The following GLO1 variants were observed in gnomAD, a reference collection of about 807,000 sequenced individuals.
GLO1 encodes glyoxalase I, also known as lactoylglutathione lyase.
In GLO1, 28 loss-of-function variants were observed where a neutral mutation model predicts 26.0. The ratio of observed to expected loss-of-function variants is 1.08; its 90% CI spans 0.80 to 1.48. The LOEUF is 1.48. Among genes scored for constraint, GLO1 ranks in the 40% most tolerant of loss-of-function variants. The pLI, the probability that GLO1 is intolerant of heterozygous loss-of-function variation, is 0.00. For missense variants in GLO1, 225 were observed against 224.8 expected, an observed-to-expected ratio of 1.00 and a Z score of -0.01; for synonymous variants, 78 against 77.6, an observed-to-expected ratio of 1.00 and a Z score of -0.03.
At chr6:38,688,014 A>T (rs1761479966) in intron 1 of GLO1, among the ~76,000 whole-genome samples, 1 of 151,922 alleles carries the variant, frequency 6.6e-6, no homozygotes, top group African/African-American at 2.4e-5. Context: ...ATAAAATACA[A>T]ATATAGTTCA....
intron 1 of GLO1, among the ~76,000 whole-genome samples, chr6:38,696,424 C>G (rs1441730566): frequency 6.6e-6 from 1 of 152,154 alleles, no homozygotes; most frequent in African/African-American, 2.4e-5. Flanking sequence ...GGCTTATAAA[C>G]AACAGACATT....
intron 1 of GLO1, among the ~76,000 whole-genome samples, chr6:38,698,492 T>A (rs1041302313): frequency 2.0e-5 from 3 of 147,838 alleles, no homozygotes; most frequent in Admixed American, 1.4e-4. Context: ...TTTATATTTT[T>A]ATATATTCAT....
chr6:38,690,032 C>T (rs1761509550), intron 1 of GLO1, among the ~76,000 whole-genome samples: 1 of 151,994 alleles, frequency 6.6e-6, no homozygotes, highest in Admixed American at 6.6e-5. Context: ...ACCATGTTGG[C>T]CAGGATGGTC....
In GLO1 at chr6:38,677,057, A is replaced by T. The variant is rs775925376; in HGVS notation, c.*238T>A. ...TCTGAAGGGAACTGTTCTAATTATT[A>T]CCTAAAAAATAAAGTTACACAACTA... On this transcript the variant is annotated 3_prime_UTR_variant, in exon 6 of 6. Transcript: ENST00000373365. 2 of 489,624 alleles carry T rather than the reference A, an allele frequency of 4.1e-6. No individual in the cohort carries two copies. Among genetic ancestry groups the T allele is most frequent in the Non-Finnish European group, 7.1e-6 (2 of 280,678 alleles). 30.3% of individuals were successfully genotyped at this position (489,624 alleles called of 1,614,324 possible).
intron 1 of GLO1, among the ~76,000 whole-genome samples, chr6:38,698,439 C>CATATATTTATAG (rs1336908149): frequency 1.4e-5 from 2 of 147,016 alleles, no homozygotes; most frequent in South Asian, 4.3e-4. Flanking sequence ...TATATATATT[C>CATATATTTATAG]ATATATTTAT....
Position 38,677,206 on chromosome 6 carries a change from C to A in GLO1, c.*89G>T. 1.3e-6 allele frequency: 1 copy of A among 754,814 alleles called. No homozygotes were observed. Among genetic ancestry groups the A allele is most frequent in the Non-Finnish European group, 2.4e-6 (1 of 417,054 alleles). The allele number at this position is 754,814 out of a possible 1,614,324, so 46.8% of individuals were successfully genotyped here. A position where few individuals can be genotyped will look rare whatever the true frequency, so the allele number is the denominator to read the frequency against. ...GAATAATTTGAATCGGGACAGTGAT[C>A]CATCAGTCCTAGATGCTTCTGGTAT... On this transcript the variant is annotated 3_prime_UTR_variant, in exon 6 of 6. Coordinates refer to ENST00000373365, the MANE Select transcript of GLO1 (RefSeq NM_006708.3).
intron 5 of GLO1, among the ~76,000 whole-genome samples, chr6:38,678,406 A>AGGAAGG (rs376995963): frequency 6.7e-5 from 9 of 135,286 alleles, no homozygotes; most frequent in Non-Finnish European, 1.4e-4. Flanking sequence ...AAGGAAAAGA[A>AGGAAGG]AAGGAAAAGA....
intron 1 of GLO1, 177 bp from the exon 2 acceptor site, chr6:38,687,151 G>A: frequency 1.0e-6 from 1 of 969,478 alleles, no homozygotes; most frequent in Non-Finnish European, 1.2e-6. Context: ...CAAGTCCAAA[G>A]TGTCAGAAAG....
chr6:38,679,039 A>G (rs1761323478), intron 5 of GLO1, among the ~76,000 whole-genome samples: 1 of 152,198 alleles, frequency 6.6e-6, no homozygotes. Context: ...ATAATTTGAG[A>G]AACATAACCA....
intron 1 of GLO1, among the ~76,000 whole-genome samples, chr6:38,695,979 C>G (rs966266635): frequency 6.6e-6 from 1 of 152,160 alleles, no homozygotes; most frequent in African/African-American, 2.4e-5. Context: ...AGGTCCCTAG[C>G]CAGTCTACCT....
chr6:38,678,406 A>AGG (rs376995963), intron 5 of GLO1, among the ~76,000 whole-genome samples: 53,663 of 132,268 alleles, frequency 0.41, 10,807 homozygotes, highest in African/African-American at 0.44. Context: ...AAGGAAAAGA[A>AGG]AAGGAAAAGA....
In GLO1 at chr6:38,676,141, T is replaced by C. The variant is rs921176220; in HGVS notation, c.*1154A>G. ...GTCATCCACAAACTGGATGTTTTTA[T>C]TTTCTGAGCCATTAGAGATTTTCAA... On this transcript the variant is annotated 3_prime_UTR_variant, in exon 6 of 6. Transcript: ENST00000373365. The C allele has an allele frequency of 1.3e-5, 2 of 152,192 alleles. No homozygotes were observed. The highest frequency in any genetic ancestry group is 2.9e-5 in the Non-Finnish European group (2 of 68,032). The allele number at this position is 152,192 out of a possible 1,614,324, so 9.4% of individuals were successfully genotyped here. A position where few individuals can be genotyped will look rare whatever the true frequency, so the allele number is the denominator to read the frequency against.
chr6:38,696,123 A>C (rs1761607691), intron 1 of GLO1, among the ~76,000 whole-genome samples: 2 of 152,210 alleles, frequency 1.3e-5, no homozygotes, highest in South Asian at 4.1e-4. Flanking sequence ...CTCTAAATGA[A>C]TTTTATACAA....
At chr6:38,696,266 C>A (rs766548057) in intron 1 of GLO1, among the ~76,000 whole-genome samples, 16 of 152,178 alleles carry the variant, frequency 1.1e-4, no homozygotes, top group Admixed American at 3.3e-4. Context: ...TACAAAATCT[C>A]AAATTTGCTT....
At chr6:38,700,287 C>A (rs1056107136) in intron 1 of GLO1, among the ~76,000 whole-genome samples, 1 of 152,186 alleles carries the variant, frequency 6.6e-6, no homozygotes, top group African/African-American at 2.4e-5. Context: ...GGAATCCTAC[C>A]CAATCTATCA....
At chr6:38,691,508 C>T (rs960913080) in intron 1 of GLO1, among the ~76,000 whole-genome samples, 1 of 151,988 alleles carries the variant, frequency 6.6e-6, no homozygotes, top group African/African-American at 2.4e-5. Context: ...AGGGTTTCAC[C>T]ACATTGGCCA....
Position 38,700,506 on chromosome 6 carries a change from G to A in GLO1, c.84+2465C>T, listed in dbSNP as rs553990777. On this transcript the variant is annotated intron_variant, in intron 1 of 5. Transcript: ENST00000373365. ...GGTCACTGCAGCCAACAACAGAAGTGGGGATTCAAATGCAGGTCTTCAGGC... is the reference window on the plus strand; with the variant it reads ...GGTCACTGCAGCCAACAACAGAAGTAGGGATTCAAATGCAGGTCTTCAGGC... Among the ~76,000 whole-genome samples the A allele has an allele frequency of 3.3e-5, 5 of 152,294 alleles. No individual in the cohort carries two copies. The South Asian group carries it at 6.2e-4, about 19-fold the overall frequency.
At chr6:38,701,257 C>A (rs1761694353) in intron 1 of GLO1, among the ~76,000 whole-genome samples, 4 of 152,118 alleles carry the variant, frequency 2.6e-5, no homozygotes, top group Admixed American at 2.0e-4. Flanking sequence ...ATTATGCCTT[C>A]TTCATAGGGT....
intron 1 of GLO1, among the ~76,000 whole-genome samples, chr6:38,693,262 G>T (rs1204005916): frequency 2.6e-5 from 4 of 152,156 alleles, no homozygotes; most frequent in Admixed American, 1.3e-4. Context: ...AATTCAAGTT[G>T]TCAAATTTAT....
Sources: gnomAD v4.1 joint callset for allele counts (sites outside exome capture counted in the v4.1 genomes callset) on GRCh38, gnomAD v4.1.1 for gene constraint, MANE v1.5 for transcripts, NCBI Gene and HGNC (gene_info 2026-07-23, HGNC 2026-07-21) for gene names.